Variants in DCP2 observed in about 807,000 individuals in gnomAD.
DCP2 encodes the protein decapping mRNA 2, also known as m7GpppN-mRNA hydrolase.
In DCP2, 30 loss-of-function variants were observed where a neutral mutation model predicts 56.1. The ratio of observed to expected loss-of-function variants is 0.53; its 90% CI spans 0.40 to 0.73. The LOEUF (loss-of-function observed/expected upper bound fraction) is 0.73. Among genes scored for constraint, DCP2 ranks in the 30% least tolerant of loss-of-function variants. The pLI is 0.00. For missense variants in DCP2, 533 were observed against 502.7 expected, an observed-to-expected ratio of 1.06 and a Z score of -0.58; for synonymous variants, 197 against 163.3, an observed-to-expected ratio of 1.21 and a Z score of -1.57.
chr5:113,012,524 A>G (rs1749719902), intron 10 of DCP2, among the ~76,000 whole-genome samples: 1 of 152,204 alleles, frequency 6.6e-6, no homozygotes, highest in Admixed American at 6.5e-5. Flanking sequence ...GTCTATTCCA[A>G]ACCTACTTTC....
intron 2 of DCP2, among the ~76,000 whole-genome samples, chr5:112,991,491 C>T (rs146257253): frequency 1.7e-4 from 26 of 152,220 alleles, no homozygotes; most frequent in African/African-American, 5.8e-4. Flanking sequence ...TCCTTAATAC[C>T]TGATTTGCCT....
intron 3 of DCP2, 105 bp downstream of exon 3, chr5:112,992,353 T>A: frequency 1.4e-6 from 2 of 1,383,672 alleles, no homozygotes; most frequent in Non-Finnish European, 1.9e-6. Context: ...TAAAATATAC[T>A]TAGATTTTTA....
rs895274417 is a variant in DCP2 at position 113,019,517 on chromosome 5, A to G, written c.*6033A>G. On this transcript the variant is annotated 3_prime_UTR_variant, in exon 11 of 11. Coordinates refer to ENST00000389063, the MANE Select transcript of DCP2 (RefSeq NM_152624.6). ...AAGTAATCATTTAATGTTAAATGCA[A>G]GTGTCCAAAGAAATGAGTCTTAAAG... 1.3e-5 allele frequency: 2 copies of G among 152,164 alleles called. No individual in the cohort carries two copies. The highest frequency in any genetic ancestry group is 3.8e-4 in the East Asian group (2 of 5,198). The allele number at this position is 152,164 out of a possible 1,614,324, so 9.4% of individuals were successfully genotyped here.
rs1260013847 is a variant in DCP2 at position 113,016,455 on chromosome 5, T to TC, written c.*2972dup. On this transcript the variant is annotated 3_prime_UTR_variant, in exon 11 of 11. Transcript: ENST00000389063. ...TCTGAGCTTTGAATATCGTTATTTTTCTATTAAATATCAATTAGTAAGTAT... is the reference window on the plus strand; with the variant it reads ...TCTGAGCTTTGAATATCGTTATTTTTCCTATTAAATATCAATTAGTAAGTAT... 2.0e-5 allele frequency: 3 copies of TC among 152,246 alleles called. No homozygotes were observed. The highest frequency in any genetic ancestry group is 2.9e-5 in the Non-Finnish European group (2 of 68,040). The allele number at this position is 152,246 out of a possible 1,614,324, so 9.4% of individuals were successfully genotyped here.
rs1215924334 is a variant in DCP2 at position 112,997,140 on chromosome 5, A to C, written c.433-3944A>C. 3.3e-5 allele frequency among the ~76,000 whole-genome samples: 5 copies of C among 152,234 alleles called. No individual in the cohort carries two copies. The East Asian group carries it at 9.6e-4, about 29-fold the overall frequency. ...ACATATCTTGAAGGTTAGGAGAACA[A>C]CTTAGTTTTGGTTTGGTGACATGGA... On this transcript the variant is annotated intron_variant, in intron 4 of 10. Coordinates refer to ENST00000389063, the MANE Select transcript of DCP2 (RefSeq NM_152624.6).
intron 8 of DCP2, among the ~76,000 whole-genome samples, chr5:113,005,159 T>TGTGTGG (rs981736955): frequency 1.0e-4 from 8 of 78,234 alleles, no homozygotes; most frequent in Admixed American, 9.5e-4. Flanking sequence ...TGGGTGTGTG[T>TGTGTGG]GTGTGTGTGT....
At chr5:112,994,832 A>C (rs558127961) in intron 4 of DCP2, among the ~76,000 whole-genome samples, 4 of 152,314 alleles carry the variant, frequency 2.6e-5, no homozygotes, top group East Asian at 3.9e-4. Context: ...AGATTCACTC[A>C]AGTCCATTAG....
rs1561679374 is a variant in DCP2 at position 112,976,801 on chromosome 5, G to C, written c.-133G>C. 1.1e-6 allele frequency: 1 copy of C among 910,852 alleles called. No homozygotes were observed. The highest frequency in any genetic ancestry group is 1.6e-5 in the African/African-American group (1 of 61,438). 56.4% of individuals were successfully genotyped at this position (910,852 alleles called of 1,614,324 possible). A position where few individuals can be genotyped will look rare whatever the true frequency, so the allele number is the denominator to read the frequency against. On this transcript the variant is annotated 5_prime_UTR_variant, in exon 1 of 11. Transcript: ENST00000389063. ...GCGGGTCCCGCCCCTTCCCCTTCTC[G>C]TCTCCGTTGGAGTCGTCTCTGCCGC...
At chr5:112,988,777 G>A (rs1748430405) in intron 2 of DCP2, among the ~76,000 whole-genome samples, 1 of 152,170 alleles carries the variant, frequency 6.6e-6, no homozygotes, top group Non-Finnish European at 1.5e-5. Context: ...GTTTTCAGGA[G>A]TTACAATCTA....
chr5:112,980,161 G>T (rs1204919963), intron 1 of DCP2, among the ~76,000 whole-genome samples: 1 of 152,138 alleles, frequency 6.6e-6, no homozygotes, highest in South Asian at 2.1e-4. Context: ...TTTCAGTACT[G>T]TTTAAACTAG....
Position 112,981,232 on chromosome 5 carries a change from A to G in DCP2, c.53+4246A>G, listed in dbSNP as rs141295533. Among the ~76,000 whole-genome samples, 11 of 152,124 alleles carry G rather than the reference A, an allele frequency of 7.2e-5. No individual in the cohort carries two copies. The East Asian group carries it at 2.1e-3, about 29-fold the overall frequency. The stretch of plus-strand genomic sequence containing the variant: ...CTTTGCCCAGCCTGGTCTCAAACGT[A>G]CTTGTAGCCTCAAGCAATCCTCCTG... On this transcript the variant is annotated intron_variant, in intron 1 of 10. Coordinates refer to ENST00000389063, the MANE Select transcript of DCP2 (RefSeq NM_152624.6).
intron 8 of DCP2, among the ~76,000 whole-genome samples, chr5:113,006,985 A>G (rs2150188679): frequency 6.6e-6 from 1 of 152,216 alleles, no homozygotes; most frequent in East Asian, 1.9e-4. Context: ...TAAAAATACA[A>G]AAATTAGCCG....
intron 8 of DCP2, among the ~76,000 whole-genome samples, chr5:113,005,157 T>TGG (rs1554101221): frequency 3.4e-5 from 5 of 149,052 alleles, no homozygotes; most frequent in East Asian, 2.0e-4. Context: ...TGTGGGTGTG[T>TGG]GTGTGTGTGT....
chr5:112,985,747 G>C, intron 1 of DCP2, 88 bp from the exon 2 acceptor site: 1 of 1,453,058 alleles, frequency 6.9e-7, no homozygotes, highest in Non-Finnish European at 9.4e-7. Flanking sequence ...TTCTCAGTTG[G>C]TGGGTCAGGT....
chr5:112,985,431 T>C (rs1468813409), intron 1 of DCP2, among the ~76,000 whole-genome samples: 1 of 152,220 alleles, frequency 6.6e-6, no homozygotes, highest in African/African-American at 2.4e-5. Flanking sequence ...TTCCAATATT[T>C]CTTGGTAATA....
intron 4 of DCP2, among the ~76,000 whole-genome samples, chr5:112,999,357 C>T (rs1199920481): frequency 6.6e-6 from 1 of 151,120 alleles, no homozygotes; most frequent in South Asian, 2.1e-4. Flanking sequence ...GATGGAGTTT[C>T]GCTCTTGTTG....
chr5:112,985,075 A>G (rs1365798145), intron 1 of DCP2, among the ~76,000 whole-genome samples: 1 of 152,124 alleles, frequency 6.6e-6, no homozygotes, highest in Non-Finnish European at 1.5e-5. Flanking sequence ...TACTGGGAAA[A>G]AGGATTACCA....
chr5:112,984,695 A>AT (rs1332407058), intron 1 of DCP2: 16 of 75,744 alleles, frequency 2.1e-4, no homozygotes, highest in African/African-American at 4.7e-4. Flanking sequence ...TTAAAAAAAA[A>AT]AAAAAAAAAT....
chr5:112,993,865 TG>T, intron 4 of DCP2, among the ~76,000 whole-genome samples: 1 of 152,260 alleles, frequency 6.6e-6, no homozygotes, highest in East Asian at 1.9e-4. Flanking sequence ...TCTATGTGTG[TG>T]TGTTTATAAA....
Sources: gnomAD v4.1 joint callset for allele counts (sites outside exome capture counted in the v4.1 genomes callset) on GRCh38, gnomAD v4.1.1 for gene constraint, MANE v1.5 for transcripts, NCBI Gene and HGNC (gene_info 2026-07-23, HGNC 2026-07-21) for gene names.